PEBP4: variants seen among roughly 807,000 people sequenced by gnomAD.
The protein encoded by PEBP4 is phosphatidylethanolamine-binding protein 4.
In PEBP4, 22 loss-of-function variants were observed where a neutral mutation model predicts 23.9. That is an observed-to-expected ratio of 0.92 (90% CI 0.66 to 1.31). The LOEUF (loss-of-function observed/expected upper bound fraction) is 1.31. PEBP4 is among the 40% of genes most tolerant of loss of function. The pLI is 0.00. For synonymous variants in PEBP4, 112 were observed against 99.3 expected (o/e 1.13, Z -0.76); for missense variants, 324 against 281.7 (o/e 1.15, Z -1.07).
chr8:22,857,075 C>G (rs184115118), intron 3 of PEBP4, among the ~76,000 whole-genome samples: 1 of 152,042 alleles, frequency 6.6e-6, no homozygotes, highest in East Asian at 1.9e-4. Flanking sequence ...AAGTAAGATA[C>G]AATTGGTAAG....
chr8:22,797,675 G>A (rs6557594), intron 4 of PEBP4, among the ~76,000 whole-genome samples: 38,148 of 152,056 alleles, frequency 0.25, 5,195 homozygotes, highest in African/African-American at 0.33. Context: ...GGTAGACCCC[G>A]TAGGGTCCAT....
intron 4 of PEBP4, among the ~76,000 whole-genome samples, chr8:22,769,024 G>T (rs542507925): frequency 3.0e-4 from 45 of 152,312 alleles, no homozygotes; most frequent in African/African-American, 1.1e-3. Context: ...GGAAGTGGGG[G>T]TCTGCTGGAA....
chr8:22,744,033 A>T (rs377675671), intron 4 of PEBP4, among the ~76,000 whole-genome samples: 172 of 152,332 alleles, frequency 1.1e-3, no homozygotes, highest in African/African-American at 4.0e-3. Flanking sequence ...CTGTGCAGGG[A>T]GTATTTTTAA....
chr8:22,829,611 A>G (rs1807039496), intron 3 of PEBP4, among the ~76,000 whole-genome samples: 1 of 152,260 alleles, frequency 6.6e-6, no homozygotes. Context: ...CTCAGGCCCC[A>G]GGAAGGAAGA....
chr8:22,908,397 A>C (rs73672925), intron 3 of PEBP4, among the ~76,000 whole-genome samples: 6,126 of 149,368 alleles, frequency 0.041, 192 homozygotes, highest in African/African-American at 0.086. Context: ...AACAAACAAA[A>C]AAAAAAACCT....
chr8:22,751,068 G>A (rs562139858), intron 4 of PEBP4, among the ~76,000 whole-genome samples: 60 of 152,288 alleles, frequency 3.9e-4, no homozygotes, highest in South Asian at 3.7e-3. Context: ...GCATGCTCTC[G>A]GCTCCAACAC....
chr8:22,757,777 C>T (rs1805420930), intron 4 of PEBP4: 1 of 152,258 alleles, frequency 6.6e-6, no homozygotes, highest in Non-Finnish European at 1.5e-5. Flanking sequence ...AAACAGAAAT[C>T]CGAGATGCAT....
chr8:22,807,872 TATCCATCC>T (rs113479008), intron 4 of PEBP4, among the ~76,000 whole-genome samples: 27 of 147,080 alleles, frequency 1.8e-4, no homozygotes, highest in African/African-American at 4.8e-4. Flanking sequence ...ACCCAACCTC[TATCCATCC>T]ATCCATCCAT....
chr8:22,878,748 A>G (rs1401029687), intron 3 of PEBP4, among the ~76,000 whole-genome samples: 1 of 152,158 alleles, frequency 6.6e-6, no homozygotes, highest in Non-Finnish European at 1.5e-5. Context: ...AGCTCAGGGA[A>G]CAGAGAGCAA....
At chr8:22,727,320 G>T in intron 4 of PEBP4, 100 bp from the exon 5 acceptor site, 1 of 1,102,802 alleles carries the variant, frequency 9.1e-7, no homozygotes, top group Non-Finnish European at 1.3e-6. Context: ...GAGGAGGATG[G>T]GAGAGGAAGG....
At chr8:22,783,701 G>A (rs915315060) in intron 4 of PEBP4, among the ~76,000 whole-genome samples, 1 of 152,204 alleles carries the variant, frequency 6.6e-6, no homozygotes, top group East Asian at 1.9e-4. Context: ...TTGAGATGGA[G>A]TCTTACTCTG....
intron 3 of PEBP4, among the ~76,000 whole-genome samples, chr8:22,919,587 T>G (rs1413141720): frequency 6.6e-6 from 1 of 152,216 alleles, no homozygotes; most frequent in Non-Finnish European, 1.5e-5. Flanking sequence ...CACTAATCAC[T>G]GCCCAGTAAA....
chr8:22,927,711 C>A lies in PEBP4; in HGVS notation c.4G>T (p.Gly2Cys), dbSNP rs1156243635. 1.9e-6 allele frequency: 3 copies of A among 1,613,558 alleles called. No homozygotes were observed. Among genetic ancestry groups the A allele is most frequent in the Admixed American group, 1.7e-5 (1 of 59,916 alleles). ...GCTGTGACCAGCCTCATTGTCCAAC[C>A]CATGGGCACCTGGAACAGAAAGAAC... M[G>C]WTMRLVTAAL... Residue 2 changes from glycine (G) to cysteine (C), a missense_variant, in exon 2 of 7, where the codon GGT (glycine) becomes TGT (cysteine). Transcript: ENST00000256404.
chr8:22,871,794 C>T (rs936825810), intron 3 of PEBP4, among the ~76,000 whole-genome samples: 4 of 151,732 alleles, frequency 2.6e-5, no homozygotes, highest in Admixed American at 1.3e-4. Context: ...CCTCCTGATC[C>T]ACCCGCCTCG....
intron 4 of PEBP4, among the ~76,000 whole-genome samples, chr8:22,785,044 T>G (rs1806000987): frequency 6.6e-6 from 1 of 152,194 alleles, no homozygotes; most frequent in African/African-American, 2.4e-5. Context: ...GCTCCTCAGA[T>G]CCCAGTGTGT....
At chr8:22,829,293 T>A (rs1227495246) in intron 3 of PEBP4, among the ~76,000 whole-genome samples, 1 of 152,178 alleles carries the variant, frequency 6.6e-6, no homozygotes, top group Non-Finnish European at 1.5e-5. Context: ...TATTTTTGGC[T>A]ACCAGCTTCA....
rs117322640 is a variant in PEBP4, at chr8:22,810,177, C to T, written c.357+7460G>A. 5.7e-3 allele frequency among the ~76,000 whole-genome samples: 865 copies of T among 152,246 alleles called. 10 individuals are homozygous for T. The highest frequency in any genetic ancestry group is 0.03 in the East Asian group (155 of 5,192). On this transcript the variant is annotated intron_variant, in intron 4 of 6. Coordinates refer to ENST00000256404, the MANE Select transcript of PEBP4 (RefSeq NM_144962.3). ...TAAAGGCCATTCCTTCTCGTGTGTC[C>T]GTAGTTGTTCCAATAGGCTAGCCTT...
At chr8:22,856,496 T>A (rs1807652785) in intron 3 of PEBP4, among the ~76,000 whole-genome samples, 1 of 152,112 alleles carries the variant, frequency 6.6e-6, no homozygotes, top group Non-Finnish European at 1.5e-5. Context: ...GCAGGCGGAT[T>A]ACTTGAGGCC....
chr8:22,835,465 C>T (rs548505580), intron 3 of PEBP4, among the ~76,000 whole-genome samples: 3 of 152,278 alleles, frequency 2.0e-5, no homozygotes, highest in African/African-American at 2.4e-5. Context: ...ATAAGCGGCC[C>T]GGGAACACTG....
Sources: allele counts gnomAD v4.1 joint callset (sites outside exome capture counted in the v4.1 genomes callset), GRCh38; gene constraint gnomAD v4.1.1; transcripts MANE v1.5; gene names NCBI Gene and HGNC (gene_info 2026-07-23, HGNC 2026-07-21).